CNNM1: variants seen among roughly 807,000 people sequenced by gnomAD.
The protein encoded by CNNM1 is metal transporter CNNM1.
Under a neutral mutation model 78.8 loss-of-function variants are expected in CNNM1, and 44 were observed. That is an observed-to-expected ratio of 0.56 (90% CI 0.44 to 0.72). CNNM1 has a LOEUF of 0.72. Among genes scored for constraint, CNNM1 ranks in the 30% least tolerant of loss-of-function variants. CNNM1 has a pLI of 0.00. For synonymous variants in CNNM1, 584 were observed against 581.5 expected (o/e 1.00, Z -0.06); for missense variants, 1,101 against 1,292.2 (o/e 0.85, Z 2.27).
chr10:99,337,807 A>T (rs1413479691), intron 1 of CNNM1, among the ~76,000 whole-genome samples: 1 of 152,228 alleles, frequency 6.6e-6, no homozygotes, highest in Non-Finnish European at 1.5e-5. Flanking sequence ...TGAATGGATG[A>T]CTTAAGGAGT....
chr10:99,355,930 ATAGTCTTTTCACATATTCAC>A (rs1465756225), intron 1 of CNNM1, among the ~76,000 whole-genome samples: 1 of 152,210 alleles, frequency 6.6e-6, no homozygotes, highest in African/African-American at 2.4e-5. Flanking sequence ...ATTGTAGTTT[ATAGTCTTTTCACATATTCAC>A]TAGGTCATTT....
chr10:99,365,168 C>T (rs1369120202), intron 6 of CNNM1, 166 bp downstream of exon 6: 5 of 727,572 alleles, frequency 6.9e-6, no homozygotes, highest in Non-Finnish European at 1.2e-5. Flanking sequence ...CAGGTACCCA[C>T]AGACCATGGG....
Position 99,377,441 on chromosome 10 carries a change from T to G in CNNM1, c.2340+223T>G, listed in dbSNP as rs896688935. The G allele has an allele frequency of 2.0e-5, 7 of 356,790 alleles. No homozygotes were observed. In the Admixed American group the frequency reaches 3.2e-4, roughly 16 times the overall value. 22.1% of individuals were successfully genotyped at this position (356,790 alleles called of 1,614,324 possible). On this transcript the variant is annotated intron_variant, in intron 7 of 10. Transcript: ENST00000356713. Reference sequence around the variant, plus strand: ...ACTCTTTTAACATCTCCTGACCCCCTTTTTTCATGTGGGGAAATGAGGCAC... The same window carrying G: ...ACTCTTTTAACATCTCCTGACCCCCGTTTTTCATGTGGGGAAATGAGGCAC...
At chr10:99,340,876 T>TGCCTGCCTGCCTGCCTG (rs2030425383) in intron 1 of CNNM1, among the ~76,000 whole-genome samples, 9 of 138,156 alleles carry the variant, frequency 6.5e-5, no homozygotes, top group African/African-American at 2.1e-4. Flanking sequence ...CTTCCTTCCT[T>TGCCTGCCTGCCTGCCTG]CCTGCCTGCC....
chr10:99,337,045 A>T (rs1252218654), intron 1 of CNNM1, among the ~76,000 whole-genome samples: 1 of 152,222 alleles, frequency 6.6e-6, no homozygotes, highest in African/African-American at 2.4e-5. Context: ...TGAAAATAAT[A>T]CTAATATTTA....
chr10:99,338,656 G>A (rs1043239693), intron 1 of CNNM1, among the ~76,000 whole-genome samples: 1 of 151,986 alleles, frequency 6.6e-6, no homozygotes, highest in African/African-American at 2.4e-5. Flanking sequence ...ATATAGAATA[G>A]TAGAAAAAAG....
chr10:99,381,729 G>A (rs920349144), intron 7 of CNNM1, among the ~76,000 whole-genome samples: 6 of 150,070 alleles, frequency 4.0e-5, no homozygotes, highest in African/African-American at 1.5e-4. Flanking sequence ...GGCGACAAGA[G>A]CGAAACTCCG....
intron 1 of CNNM1, among the ~76,000 whole-genome samples, chr10:99,346,460 G>A (rs2030700613): frequency 1.3e-5 from 2 of 152,130 alleles, no homozygotes; most frequent in African/African-American, 4.8e-5. Flanking sequence ...TCAAATATTT[G>A]TCCCATGAAT....
Position 99,392,385 on chromosome 10 carries a change from G to GT in CNNM1, c.*870dup, listed in dbSNP as rs1391618574. 1.3e-5 allele frequency: 2 copies of GT among 152,664 alleles called. No individual in the cohort carries two copies. Among genetic ancestry groups the GT allele is most frequent in the Admixed American group, 1.3e-4 (2 of 15,284 alleles). The allele number at this position is 152,664 out of a possible 1,614,324, so 9.5% of individuals were successfully genotyped here. ...CAAACAAAACTTACATGGAAAAACT[G>GT]TAAGTGCTGAAAGCAAGTTTAGCCA... On this transcript the variant is annotated 3_prime_UTR_variant, in exon 11 of 11. Coordinates refer to ENST00000356713, the MANE Select transcript of CNNM1 (RefSeq NM_020348.3).
intron 1 of CNNM1, among the ~76,000 whole-genome samples, chr10:99,344,016 C>A (rs2030571839): frequency 6.7e-6 from 1 of 149,768 alleles, no homozygotes; most frequent in African/African-American, 2.5e-5. Flanking sequence ...AACCACTGTG[C>A]CCGGCCTATT....
chr10:99,340,818 C>G (rs1039432951), intron 1 of CNNM1, among the ~76,000 whole-genome samples: 1 of 126,814 alleles, frequency 7.9e-6, no homozygotes, highest in Non-Finnish European at 1.6e-5. Flanking sequence ...TTCTTTCTTT[C>G]TTTTCTTTTC....
chr10:99,364,734 A>C (rs781195663), intron 5 of CNNM1, among the ~76,000 whole-genome samples: 12 of 152,332 alleles, frequency 7.9e-5, no homozygotes, highest in Admixed American at 2.0e-4. Flanking sequence ...TGAATTGTAA[A>C]AAGCAGTAAT....
intron 7 of CNNM1, among the ~76,000 whole-genome samples, chr10:99,385,972 C>G (rs572267521): frequency 6.6e-6 from 1 of 152,300 alleles, no homozygotes; most frequent in Non-Finnish European, 1.5e-5. Context: ...GGTGTTAGAG[C>G]CAAATTTCCT....
Position 99,335,361 on chromosome 10 carries a change from C to A in CNNM1, c.1573+4401C>A, listed in dbSNP as rs142801798. Among the ~76,000 whole-genome samples, 7 of 152,282 alleles carry A rather than the reference C, an allele frequency of 4.6e-5. No individual in the cohort carries two copies. In the East Asian group the frequency reaches 7.7e-4, roughly 17 times the overall value. On this transcript the variant is annotated intron_variant, in intron 1 of 10. Coordinates refer to ENST00000356713, the MANE Select transcript of CNNM1 (RefSeq NM_020348.3). ...AGAGTGTGAGGTTTACAAAAGGGAA[C>A]AATATTTCTCACCACTGGACTGTAA...
chr10:99,340,459 T>C (rs1238530105), intron 1 of CNNM1, among the ~76,000 whole-genome samples: 1 of 152,238 alleles, frequency 6.6e-6, no homozygotes, highest in African/African-American at 2.4e-5. Flanking sequence ...AAGAATATCA[T>C]AGCTCATCTC....
intron 6 of CNNM1, chr10:99,368,665 C>T: frequency 7.8e-7 from 1 of 1,289,752 alleles, no homozygotes; most frequent in Non-Finnish European, 1.0e-6. Context: ...AGGGGACTCT[C>T]TGGCAGGCTC....
intron 1 of CNNM1, among the ~76,000 whole-genome samples, chr10:99,356,557 AC>A (rs1249630382): frequency 0.016 from 1,843 of 114,496 alleles, 12 homozygotes; most frequent in African/African-American, 0.039. Context: ...AGACAGACAG[AC>A]AGACAGAAAG....
chr10:99,347,817 T>C (rs1382527310), intron 1 of CNNM1, among the ~76,000 whole-genome samples: 1 of 150,170 alleles, frequency 6.7e-6, no homozygotes, highest in African/African-American at 2.5e-5. Flanking sequence ...CTTTACACCC[T>C]GTTCTACTGC....
At position 99,357,475 on chromosome 10, in the gene CNNM1, TC is replaced by T. The variant is rs768657127; in HGVS notation, c.1574-33del. Reference sequence around the variant, plus strand: ...TCACAAAAAAAGATCTCTGAAAATGTCCCCGATACTTAACTGTGATTTCATT... The same window carrying T: ...TCACAAAAAAAGATCTCTGAAAATGTCCCGATACTTAACTGTGATTTCATT... On this transcript the variant is annotated intron_variant, in intron 1 of 10. Coordinates refer to ENST00000356713, the MANE Select transcript of CNNM1 (RefSeq NM_020348.3). The T allele has an allele frequency of 1.0e-5, 16 of 1,585,590 alleles. No homozygotes were observed. The African/African-American group carries it at 2.0e-4, about 20-fold the overall frequency.
Sources: allele counts gnomAD v4.1 joint callset (sites outside exome capture counted in the v4.1 genomes callset), GRCh38; gene constraint gnomAD v4.1.1; transcripts MANE v1.5; gene names NCBI Gene and HGNC (gene_info 2026-07-23, HGNC 2026-07-21).